Variants in AGBL1 observed in about 807,000 individuals in gnomAD.
AGBL1 encodes AGBL carboxypeptidase 1.
In AGBL1, 130 loss-of-function variants were observed where a neutral mutation model predicts 118.9. That is an observed-to-expected ratio of 1.09 (90% CI 0.95 to 1.26). The LOEUF (loss-of-function observed/expected upper bound fraction) is 1.26. Ranked by LOEUF, AGBL1 falls within the 50% of genes most tolerant of loss-of-function variation. The pLI is 0.00. For missense variants in AGBL1, 1,584 were observed against 1,298.1 expected (o/e 1.22, Z -3.38); for synonymous variants, 555 against 478.9 (o/e 1.16, Z -2.08).
chr15:86,707,754 T>C (rs1008276114), intron 22 of AGBL1, among the ~76,000 whole-genome samples: 8 of 152,180 alleles, frequency 5.3e-5, no homozygotes, highest in African/African-American at 1.9e-4. Context: ...AAACTGTTTC[T>C]GAAAGACTAT....
At chr15:86,801,180 G>A (rs924712980) in intron 22 of AGBL1, among the ~76,000 whole-genome samples, 1 of 152,112 alleles carries the variant, frequency 6.6e-6, no homozygotes, top group South Asian at 2.1e-4. Flanking sequence ...AACCATCATG[G>A]TTCCTTTAGT....
chr15:86,784,637 C>A (rs1226103115), intron 22 of AGBL1, among the ~76,000 whole-genome samples: 2 of 152,166 alleles, frequency 1.3e-5, no homozygotes, highest in Non-Finnish European at 2.9e-5. Context: ...ATAAAGCTTA[C>A]TTTTCTTATA....
intron 24 of AGBL1, among the ~76,000 whole-genome samples, chr15:87,001,587 G>T (rs112085693): frequency 6.6e-6 from 1 of 152,168 alleles, no homozygotes; most frequent in East Asian, 1.9e-4. Context: ...CTAGTTTACA[G>T]TCCCACCAAC....
At chr15:86,670,273 C>T (rs552407794) in intron 21 of AGBL1, among the ~76,000 whole-genome samples, 1 of 152,042 alleles carries the variant, frequency 6.6e-6, no homozygotes, top group East Asian at 1.9e-4. Flanking sequence ...TTGATATGTG[C>T]CAGTTTCAGC....
chr15:86,546,633 C>T (rs2083587393), intron 20 of AGBL1, among the ~76,000 whole-genome samples: 1 of 152,160 alleles, frequency 6.6e-6, no homozygotes, highest in African/African-American at 2.4e-5. Flanking sequence ...AAACCATCTA[C>T]ATCTCTCTGC....
chr15:86,108,520 A>G (rs554456394), intron 1 of AGBL1, among the ~76,000 whole-genome samples: 1 of 152,154 alleles, frequency 6.6e-6, no homozygotes, highest in Non-Finnish European at 1.5e-5. Flanking sequence ...GTGCATCCTT[A>G]ACCTAGGAAG....
intron 22 of AGBL1, among the ~76,000 whole-genome samples, chr15:86,748,830 T>C (rs1305629388): frequency 3.3e-5 from 5 of 151,924 alleles, no homozygotes; most frequent in Admixed American, 1.3e-4. Context: ...AGATGTGTGG[T>C]ATTATTCCTG....
chr15:86,408,864 T>A (rs2081572312), intron 18 of AGBL1, among the ~76,000 whole-genome samples: 1 of 152,162 alleles, frequency 6.6e-6, no homozygotes, highest in African/African-American at 2.4e-5. Flanking sequence ...AACTACAATT[T>A]TTCCTCACTT....
intron 22 of AGBL1, among the ~76,000 whole-genome samples, chr15:86,790,060 ATG>A (rs2078469766): frequency 6.6e-6 from 1 of 152,096 alleles, no homozygotes; most frequent in African/African-American, 2.4e-5. Context: ...TAACATGATG[ATG>A]CATTCTCATT....
At chr15:86,084,395 CCTCT>C (rs754608038) in intron 1 of AGBL1, among the ~76,000 whole-genome samples, 32 of 152,140 alleles carry the variant, frequency 2.1e-4, no homozygotes, top group Non-Finnish European at 4.1e-4. Context: ...ACTTAACTTT[CCTCT>C]CTCTGCCACC....
chr15:86,799,955 A>C (rs1480613276), intron 22 of AGBL1, among the ~76,000 whole-genome samples: 2 of 152,144 alleles, frequency 1.3e-5, no homozygotes, highest in East Asian at 3.9e-4. Context: ...CCCAGGTATA[A>C]AATGCAGCTT....
At chr15:86,826,230 T>G (rs76617259) in intron 22 of AGBL1, among the ~76,000 whole-genome samples, 9,878 of 152,102 alleles carry the variant, frequency 0.065, 501 homozygotes, top group East Asian at 0.21. Context: ...CCTTTGCCTA[T>G]GTAGGAAATG....
intron 18 of AGBL1, among the ~76,000 whole-genome samples, chr15:86,430,597 T>C (rs971435763): frequency 5.3e-5 from 8 of 151,568 alleles, no homozygotes; most frequent in African/African-American, 1.9e-4. Context: ...AAAGCACACA[T>C]CAAGCTTGAA....
At chr15:86,452,666 C>A (rs1036269082) in intron 18 of AGBL1, among the ~76,000 whole-genome samples, 1 of 152,166 alleles carries the variant, frequency 6.6e-6, no homozygotes, top group Non-Finnish European at 1.5e-5. Context: ...ATGGCTCCAA[C>A]TCAGTGATGG....
intron 21 of AGBL1, chr15:86,556,367 T>A (rs759819498): frequency 7.8e-7 from 1 of 1,275,324 alleles, no homozygotes; most frequent in Non-Finnish European, 1.1e-6. Context: ...GAGGGAGAAC[T>A]GGCTAGAGAA....
chr15:86,388,994 A>G (rs17670510), intron 17 of AGBL1, among the ~76,000 whole-genome samples: 24,749 of 152,208 alleles, frequency 0.16, 2,281 homozygotes, highest in South Asian at 0.2. Flanking sequence ...CATGGCATGA[A>G]TTTAAAGGAT....
chr15:86,095,481 G>C (rs1381915289), intron 1 of AGBL1, among the ~76,000 whole-genome samples: 1 of 151,794 alleles, frequency 6.6e-6, no homozygotes, highest in Non-Finnish European at 1.5e-5. Flanking sequence ...AGATTCCAAG[G>C]GTCTTAGAAG....
At chr15:86,603,638 T>A (rs2084529934) in intron 21 of AGBL1, among the ~76,000 whole-genome samples, 1 of 152,044 alleles carries the variant, frequency 6.6e-6, no homozygotes, top group Non-Finnish European at 1.5e-5. Context: ...ATCGAATCTC[T>A]CAGAGGGGAG....
At chr15:86,134,602 GCCTTTTT>G (rs1425829340) in intron 1 of AGBL1, among the ~76,000 whole-genome samples, 6,113 of 126,878 alleles carry the variant, frequency 0.048, 287 homozygotes, top group East Asian at 0.19. Flanking sequence ...GATCAATGGT[GCCTTTTT>G]TTTTTTTTTT....
Sources: allele counts gnomAD v4.1 joint callset (sites outside exome capture counted in the v4.1 genomes callset), GRCh38; gene constraint gnomAD v4.1.1; transcripts MANE v1.5; gene names NCBI Gene and HGNC (gene_info 2026-07-23, HGNC 2026-07-21).